The following LMX1A variants were observed in gnomAD, a reference collection of about 807,000 sequenced individuals.
The protein encoded by LMX1A is LIM homeobox transcription factor 1-alpha.
In LMX1A, 15 loss-of-function variants were observed where a neutral mutation model predicts 49.1. The observed-to-expected ratio is 0.31, with a 90% confidence interval of 0.20 to 0.47. The LOEUF is 0.47. LMX1A is among the 20% of genes least tolerant of loss of function. The probability of loss-of-function intolerance (pLI) is 1.00; values close to 1 mark genes in which losing one functional copy is unlikely to be tolerated. For missense variants in LMX1A, 372 were observed against 475.8 expected, an observed-to-expected ratio of 0.78 and a Z score of 2.03; for synonymous variants, 167 against 185.7, an observed-to-expected ratio of 0.90 and a Z score of 0.82.
chr1:165,302,588 A>G (rs1030291322), intron 3 of LMX1A, among the ~76,000 whole-genome samples: 1 of 152,194 alleles, frequency 6.6e-6, no homozygotes, highest in Non-Finnish European at 1.5e-5. Context: ...ATGACGATCC[A>G]TGTCCTTGCC....
chr1:165,352,590 GA>G (rs1195395197), intron 3 of LMX1A, among the ~76,000 whole-genome samples: 2 of 152,246 alleles, frequency 1.3e-5, no homozygotes, highest in Non-Finnish European at 2.9e-5. Context: ...GGGCACAGGG[GA>G]CAGAAGCTGC....
chr1:165,273,200 C>T (rs1653859481), intron 3 of LMX1A, among the ~76,000 whole-genome samples: 1 of 152,162 alleles, frequency 6.6e-6, no homozygotes, highest in Admixed American at 6.5e-5. Flanking sequence ...TCTGAGCAAC[C>T]ACTTGGAGAA....
chr1:165,255,499 C>T (rs1010411737), intron 3 of LMX1A, among the ~76,000 whole-genome samples: 2 of 152,238 alleles, frequency 1.3e-5, no homozygotes, highest in Non-Finnish European at 2.9e-5. Context: ...TCACTTGCTG[C>T]CTCCGTTTGC....
At chr1:165,348,480 G>A (rs35687433) in intron 3 of LMX1A, among the ~76,000 whole-genome samples, 13,501 of 152,182 alleles carry the variant, frequency 0.089, 784 homozygotes, top group South Asian at 0.14. Context: ...GCCCATGGAC[G>A]GTGCTTATGC....
rs538713055 is a variant in LMX1A, at chr1:165,315,648, T to C, written c.263+37428A>G. Among the ~76,000 whole-genome samples, 17 of 152,296 alleles carry C rather than the reference T, an allele frequency of 1.1e-4. No homozygotes were observed. The East Asian group carries it at 2.5e-3, about 22-fold the overall frequency. ...TGTTAGGCTGAAGTACAACACAGCA[T>C]TTCACAATCCCACACTGTGTCTGAC... On this transcript the variant is annotated intron_variant, in intron 3 of 8. Coordinates refer to ENST00000342310, the MANE Select transcript of LMX1A (RefSeq NM_177398.4).
intron 3 of LMX1A, among the ~76,000 whole-genome samples, chr1:165,269,028 G>A (rs1454926290): frequency 6.6e-6 from 1 of 152,104 alleles, no homozygotes; most frequent in Non-Finnish European, 1.5e-5. Flanking sequence ...CTCATCCCTG[G>A]CTAAGCCTCC....
chr1:165,221,980 A>T (rs1362660572), intron 4 of LMX1A, among the ~76,000 whole-genome samples: 1 of 149,372 alleles, frequency 6.7e-6, no homozygotes, highest in Non-Finnish European at 1.5e-5. Flanking sequence ...CTCTCTCTCC[A>T]TCATTCCCTC....
intron 3 of LMX1A, among the ~76,000 whole-genome samples, chr1:165,342,463 GA>G (rs1428860419): frequency 6.6e-6 from 1 of 152,098 alleles, no homozygotes; most frequent in Non-Finnish European, 1.5e-5. Context: ...TGGAGAGAAA[GA>G]AAATGGATTC....
At chr1:165,296,575 C>T (rs1654628408) in intron 3 of LMX1A, among the ~76,000 whole-genome samples, 1 of 152,254 alleles carries the variant, frequency 6.6e-6, no homozygotes, top group South Asian at 2.1e-4. Flanking sequence ...ATTAACTGCT[C>T]CTTCCCCTTG....
At chr1:165,229,135 AT>A (rs1023288607) in intron 4 of LMX1A, among the ~76,000 whole-genome samples, 2 of 152,162 alleles carry the variant, frequency 1.3e-5, no homozygotes, top group East Asian at 1.9e-4. Context: ...AATGAAAAAA[AT>A]GTGGCCATTT....
At chr1:165,208,170 G>A in intron 6 of LMX1A, 38 bp from the exon 7 acceptor site, 1 of 1,594,266 alleles carries the variant, frequency 6.3e-7, no homozygotes, top group Non-Finnish European at 8.6e-7. Context: ...AAGTCAGGTG[G>A]CCTGCAGCAT....
chr1:165,249,160 GT>G (rs1243262792), intron 4 of LMX1A, among the ~76,000 whole-genome samples: 4 of 152,208 alleles, frequency 2.6e-5, no homozygotes, highest in African/African-American at 9.6e-5. Flanking sequence ...CTGTGTGTGT[GT>G]GAAGTGTTTA....
intron 3 of LMX1A, among the ~76,000 whole-genome samples, chr1:165,314,469 A>G: frequency 6.6e-6 from 1 of 152,160 alleles, no homozygotes; most frequent in East Asian, 1.9e-4. Flanking sequence ...CAGTAGCTCT[A>G]ATGTTAGATC....
Position 165,213,755 on chromosome 1 carries a change from A to T in LMX1A, c.555T>A (p.Thr185=). ...CKSAHGAGKG[T]AEEGKDHKRP... ...GCTTATGGTCCTTGCCTTCCTCAGC[A>T]GTTCCTTTCCCTGCCCCATGGGCTG... Residue 185 remains threonine (T), a synonymous_variant, in exon 5 of 9, where the codon ACT becomes ACA. Coordinates refer to ENST00000342310, the MANE Select transcript of LMX1A (RefSeq NM_177398.4). 1 of 1,614,178 alleles carries T rather than the reference A, an allele frequency of 6.2e-7. No individual in the cohort carries two copies. The highest frequency in any genetic ancestry group is 1.1e-5 in the South Asian group (1 of 91,074).
chr1:165,279,795 T>C (rs1654091427), intron 3 of LMX1A, among the ~76,000 whole-genome samples: 3 of 152,130 alleles, frequency 2.0e-5, no homozygotes, highest in Non-Finnish European at 2.9e-5. Context: ...AATAAACATA[T>C]CAACTGCCCC....
At chr1:165,352,968 G>A in intron 3 of LMX1A, 108 bp downstream of exon 3, 1 of 1,134,546 alleles carries the variant, frequency 8.8e-7, no homozygotes, top group South Asian at 1.4e-5. Flanking sequence ...TGCTCGCTGG[G>A]CGTGTCTCTT....
intron 3 of LMX1A, among the ~76,000 whole-genome samples, chr1:165,349,525 T>C (rs1036776660): frequency 4.6e-5 from 7 of 152,230 alleles, no homozygotes; most frequent in African/African-American, 1.7e-4. Flanking sequence ...AAGCTAGCAA[T>C]TTTTCCATGT....
chr1:165,336,766 G>T (rs918707692), intron 3 of LMX1A, among the ~76,000 whole-genome samples: 3 of 152,168 alleles, frequency 2.0e-5, no homozygotes, highest in South Asian at 4.2e-4. Context: ...CTTCCTCAAC[G>T]ACCTAATGCC....
At chr1:165,212,073 G>A (rs139688309) in intron 5 of LMX1A, among the ~76,000 whole-genome samples, 1 of 152,352 alleles carries the variant, frequency 6.6e-6, no homozygotes, top group East Asian at 1.9e-4. Context: ...ACTTTCTACT[G>A]ATACCTCTCT....
Sources: allele counts gnomAD v4.1 joint callset (sites outside exome capture counted in the v4.1 genomes callset), GRCh38; gene constraint gnomAD v4.1.1; transcripts MANE v1.5; gene names NCBI Gene and HGNC (gene_info 2026-07-23, HGNC 2026-07-21).